The following GRID1 variants were observed in gnomAD, a reference collection of about 807,000 sequenced individuals.
GRID1 encodes glutamate receptor ionotropic, delta-1.
In GRID1, 28 loss-of-function variants were observed where a neutral mutation model predicts 98.0. The observed-to-expected ratio is 0.29, with a 90% CI of 0.21 to 0.39. The LOEUF (loss-of-function observed/expected upper bound fraction) is 0.39, where lower values mean the gene tolerates loss of function less well. Among genes scored for constraint, GRID1 ranks in the 10% least tolerant of loss-of-function variants. GRID1 has a pLI of 1.00. For synonymous variants in GRID1, 553 were observed against 538.5 expected, an observed-to-expected ratio of 1.03 and a Z score of -0.37; for missense variants, 1,111 against 1,340.5, an observed-to-expected ratio of 0.83 and a Z score of 2.67.
At chr10:86,221,898 TCTC>T (rs56750241) in intron 2 of GRID1, among the ~76,000 whole-genome samples, 4 of 149,898 alleles carry the variant, frequency 2.7e-5, no homozygotes, top group Admixed American at 1.3e-4. Flanking sequence ...TCCTCCTCCT[TCTC>T]CTCCTCCTCC....
chr10:86,229,058 C>T lies in GRID1; in HGVS notation c.236-22410G>A, dbSNP rs181328224. Among the ~76,000 whole-genome samples the T allele has an allele frequency of 3.2e-3, 481 of 152,254 alleles. 1 individual carries two copies. The highest frequency in any genetic ancestry group is 6.8e-3 in the Middle Eastern group (2 of 294). On this transcript the variant is annotated intron_variant, in intron 2 of 15. Transcript: ENST00000327946. ...GTCCAGAGTGGGGCTCCGTGCCCTC[C>T]GAATAGGGACTGCTTGTAGCTGGGG... is the stretch of plus-strand genomic sequence containing the variant.
At chr10:86,345,685 G>C (rs1848371754) in intron 2 of GRID1, among the ~76,000 whole-genome samples, 1 of 152,108 alleles carries the variant, frequency 6.6e-6, no homozygotes, top group African/African-American at 2.4e-5. Flanking sequence ...ACAGCTTAAG[G>C]GCCTAGATGG....
chr10:85,874,865 G>T (rs1728382156), intron 5 of GRID1, among the ~76,000 whole-genome samples: 1 of 151,836 alleles, frequency 6.6e-6, no homozygotes, highest in South Asian at 2.1e-4. Flanking sequence ...TTTATTTTAT[G>T]TATTTATTTA....
At chr10:86,200,566 C>G (rs1208827565) in intron 3 of GRID1, among the ~76,000 whole-genome samples, 2 of 152,142 alleles carry the variant, frequency 1.3e-5, no homozygotes, top group East Asian at 1.9e-4. Context: ...GAGGTTTCAG[C>G]AGGAAAATTT....
rs571983356 is a variant in GRID1 at position 85,614,200 on chromosome 10, A to G, written c.2361-553T>C. Among the ~76,000 whole-genome samples, 73 of 152,284 alleles carry G rather than the reference A, an allele frequency of 4.8e-4. 1 individual carries two copies. The highest frequency in any genetic ancestry group is 1.7e-3 in the African/African-American group (72 of 41,552). On this transcript the variant is annotated intron_variant, in intron 14 of 15. Transcript: ENST00000327946. ...GTCTAGAGATACAATCACTGACCCT[A>G]AAAAAATTAGCTCAATCAAAGTGCA...
chr10:85,979,214 C>T (rs1023158014), intron 4 of GRID1, among the ~76,000 whole-genome samples: 2 of 152,156 alleles, frequency 1.3e-5, no homozygotes, highest in African/African-American at 4.8e-5. Context: ...CCTCCAGTGC[C>T]CATCAGCATC....
chr10:85,609,106 C>T (rs1303037520), intron 15 of GRID1, among the ~76,000 whole-genome samples: 1 of 152,214 alleles, frequency 6.6e-6, no homozygotes, highest in Non-Finnish European at 1.5e-5. Flanking sequence ...GGACAGTGCC[C>T]TGGCCTTTTG....
At chr10:85,881,688 C>A (rs551220423) in intron 5 of GRID1, among the ~76,000 whole-genome samples, 1 of 152,266 alleles carries the variant, frequency 6.6e-6, no homozygotes, top group African/African-American at 2.4e-5. Context: ...AAAACCTAGG[C>A]AATACCATTC....
At chr10:85,770,680 A>T (rs1258692309) in intron 8 of GRID1, among the ~76,000 whole-genome samples, 1 of 152,260 alleles carries the variant, frequency 6.6e-6, no homozygotes, top group Non-Finnish European at 1.5e-5. Context: ...TGAAGAATGC[A>T]GAAGCCTCGG....
At chr10:86,174,679 C>G (rs7907063) in intron 3 of GRID1, among the ~76,000 whole-genome samples, 62,643 of 146,818 alleles carry the variant, frequency 0.43, 16,420 homozygotes, top group African/African-American at 0.74. Flanking sequence ...CACAGCAAAA[C>G]AAACTACCAT....
intron 4 of GRID1, among the ~76,000 whole-genome samples, chr10:86,083,196 T>C (rs1385232817): frequency 6.6e-6 from 1 of 152,260 alleles, no homozygotes; most frequent in African/African-American, 2.4e-5. Flanking sequence ...TTGAACATTA[T>C]ATTCTCATGC....
intron 6 of GRID1, among the ~76,000 whole-genome samples, chr10:85,861,768 G>A (rs1843165852): frequency 6.6e-6 from 1 of 152,222 alleles, no homozygotes; most frequent in Non-Finnish European, 1.5e-5. Flanking sequence ...AGCATCCATG[G>A]AAGGCATGTG....
intron 4 of GRID1, among the ~76,000 whole-genome samples, chr10:86,137,513 G>A (rs1844946110): frequency 1.3e-5 from 2 of 152,192 alleles, no homozygotes; most frequent in Non-Finnish European, 1.5e-5. Flanking sequence ...GAGATTAGTC[G>A]ATACCATCAC....
intron 8 of GRID1, among the ~76,000 whole-genome samples, chr10:85,805,920 C>A (rs1331228975): frequency 6.8e-6 from 1 of 146,552 alleles, no homozygotes; most frequent in Admixed American, 6.8e-5. Context: ...TTGGGATGGA[C>A]AAAGTTTTTT....
intron 4 of GRID1, among the ~76,000 whole-genome samples, chr10:85,943,847 C>T (rs527516109): frequency 7.2e-5 from 11 of 152,204 alleles, no homozygotes; most frequent in Non-Finnish European, 1.3e-4. Flanking sequence ...GATTCTCCCT[C>T]CCATCAGGAG....
At chr10:85,912,953 C>T (rs1411441031) in intron 5 of GRID1, among the ~76,000 whole-genome samples, 2 of 152,176 alleles carry the variant, frequency 1.3e-5, no homozygotes, top group African/African-American at 4.8e-5. Context: ...ATAAGAATAA[C>T]AGGACTTTTG....
intron 3 of GRID1, among the ~76,000 whole-genome samples, chr10:86,172,741 A>T (rs1292352626): frequency 1.3e-5 from 2 of 152,206 alleles, no homozygotes; most frequent in East Asian, 3.8e-4. Context: ...GCAAGTGATA[A>T]CAGCACCTAA....
intron 4 of GRID1, among the ~76,000 whole-genome samples, chr10:86,114,090 C>A (rs1481045452): frequency 6.6e-6 from 1 of 151,656 alleles, no homozygotes; most frequent in African/African-American, 2.4e-5. Context: ...GGATCATAAC[C>A]CCCTGAAGGA....
At chr10:85,994,332 G>A (rs1842715633) in intron 4 of GRID1, among the ~76,000 whole-genome samples, 1 of 152,198 alleles carries the variant, frequency 6.6e-6, no homozygotes, top group African/African-American at 2.4e-5. Flanking sequence ...ACAGAGGTAA[G>A]GCAGGGTGCT....
Sources: gnomAD v4.1 joint callset for allele counts (sites outside exome capture counted in the v4.1 genomes callset) on GRCh38, gnomAD v4.1.1 for gene constraint, MANE v1.5 for transcripts, NCBI Gene and HGNC (gene_info 2026-07-23, HGNC 2026-07-21) for gene names.